TAOK1: variants seen among roughly 807,000 people sequenced by gnomAD.
The protein encoded by TAOK1 is serine/threonine-protein kinase TAO1.
A neutral mutation model predicts 138.3 loss-of-function variants in TAOK1; 21 were observed. The ratio of observed to expected loss-of-function variants is 0.15; its 90% CI spans 0.11 to 0.22. The LOEUF (loss-of-function observed/expected upper bound fraction) is 0.22, where lower values mean the gene tolerates loss of function less well. TAOK1 is among the 10% of genes least tolerant of loss of function. TAOK1 has a pLI of 1.00. For missense variants in TAOK1, 651 were observed against 1,227.7 expected (o/e 0.53, Z 7.02); for synonymous variants, 361 against 398.4 (o/e 0.91, Z 1.12).
At chr17:29,411,171 A>G (rs1905134592) in intron 1 of TAOK1, among the ~76,000 whole-genome samples, 2 of 132,020 alleles carry the variant, frequency 1.5e-5, no homozygotes, top group Admixed American at 8.8e-5. Flanking sequence ...GGCTCACTGC[A>G]AGCTCCGCCT....
intron 10 of TAOK1, among the ~76,000 whole-genome samples, chr17:29,492,779 C>T (rs1265026523): frequency 4.6e-5 from 7 of 151,622 alleles, no homozygotes; most frequent in Admixed American, 6.6e-5. Flanking sequence ...GCAACAAGGG[C>T]GAAACCCCTT....
intron 1 of TAOK1, chr17:29,404,128 G>GT (rs1459129897): frequency 6.6e-6 from 1 of 151,896 alleles, no homozygotes; most frequent in East Asian, 1.9e-4. Flanking sequence ...CTGTGTGTGT[G>GT]TGGGGGGGGA....
intron 1 of TAOK1, among the ~76,000 whole-genome samples, chr17:29,428,052 G>A (rs1220759857): frequency 6.6e-6 from 1 of 152,190 alleles, no homozygotes; most frequent in Admixed American, 6.6e-5. Flanking sequence ...TGAATAGACA[G>A]TTTCATCAGG....
chr17:29,497,885 G>A (rs1307683829), intron 11 of TAOK1, among the ~76,000 whole-genome samples: 2 of 151,434 alleles, frequency 1.3e-5, no homozygotes, highest in African/African-American at 2.4e-5. Flanking sequence ...GGGCTACGCC[G>A]TAGGCACTGT....
At chr17:29,538,675 G>A (rs923969329) in intron 19 of TAOK1, among the ~76,000 whole-genome samples, 1 of 152,182 alleles carries the variant, frequency 6.6e-6, no homozygotes, top group Non-Finnish European at 1.5e-5. Context: ...CATTCTGTTT[G>A]AAGATTGTTG....
intron 2 of TAOK1, among the ~76,000 whole-genome samples, chr17:29,460,697 A>C (rs1445600433): frequency 6.6e-6 from 1 of 152,192 alleles, no homozygotes; most frequent in Non-Finnish European, 1.5e-5. Context: ...TCCATTTGTG[A>C]AGTAAAGTTT....
At chr17:29,399,364 G>A (rs1275372227) in intron 1 of TAOK1, among the ~76,000 whole-genome samples, 1 of 152,138 alleles carries the variant, frequency 6.6e-6, no homozygotes, top group Non-Finnish European at 1.5e-5. Context: ...TGCCCAGGAT[G>A]GAGTGCAGTG....
chr17:29,482,413 T>G, intron 8 of TAOK1, 125 bp downstream of exon 8: 1 of 736,030 alleles, frequency 1.4e-6, no homozygotes. Flanking sequence ...GGCAATACAT[T>G]TATTAAGGTT....
At chr17:29,419,357 C>T (rs1285088438) in intron 1 of TAOK1, among the ~76,000 whole-genome samples, 1 of 151,910 alleles carries the variant, frequency 6.6e-6, no homozygotes, top group African/African-American at 2.4e-5. Flanking sequence ...CCACCACACC[C>T]GACTAATTTT....
chr17:29,526,107 C>A (rs1221618674), intron 17 of TAOK1, among the ~76,000 whole-genome samples: 1 of 152,066 alleles, frequency 6.6e-6, no homozygotes, highest in African/African-American at 2.4e-5. Context: ...AAAACCCCAT[C>A]TCTACTAAAA....
At chr17:29,399,928 C>T (rs1384956146) in intron 1 of TAOK1, among the ~76,000 whole-genome samples, 2 of 151,866 alleles carry the variant, frequency 1.3e-5, no homozygotes, top group African/African-American at 4.8e-5. Context: ...GACGAGATCT[C>T]ACTATGTTGC....
At chr17:29,510,124 C>A (rs2031695533) in intron 14 of TAOK1, among the ~76,000 whole-genome samples, 1 of 151,466 alleles carries the variant, frequency 6.6e-6, no homozygotes, top group African/African-American at 2.4e-5. Flanking sequence ...CGCCTGTAAT[C>A]CCAGCACTTT....
At chr17:29,494,825 CAAAA>C (rs368548444) in intron 10 of TAOK1, among the ~76,000 whole-genome samples, 1 of 48,302 alleles carries the variant, frequency 2.1e-5, no homozygotes. Context: ...GACTCCGTCT[CAAAA>C]AAAAAAAAAA....
At chr17:29,511,310 T>C (rs1426139234) in intron 15 of TAOK1, 1 of 154,434 alleles carries the variant, frequency 6.5e-6, no homozygotes, top group Non-Finnish European at 1.4e-5. Flanking sequence ...CTCGGCTCAC[T>C]TCAAGCTCTG....
intron 10 of TAOK1, among the ~76,000 whole-genome samples, chr17:29,492,087 A>G (rs1291581594): frequency 1.3e-5 from 2 of 151,986 alleles, no homozygotes; most frequent in Non-Finnish European, 1.5e-5. Context: ...GCTTTGCCAC[A>G]TTGCCCAGGC....
chr17:29,538,495 A>G (rs1049897032), intron 19 of TAOK1, among the ~76,000 whole-genome samples: 1 of 152,224 alleles, frequency 6.6e-6, no homozygotes, highest in Non-Finnish European at 1.5e-5. Context: ...GCTGGGGTCA[A>G]TTAGCAATCA....
chr17:29,418,947 T>TA (rs34015426), intron 1 of TAOK1, among the ~76,000 whole-genome samples: 58,452 of 131,948 alleles, frequency 0.44, 13,891 homozygotes, highest in East Asian at 0.72. Context: ...TTTTTTTTTT[T>TA]ATGTATGTTT....
chr17:29,510,856 T>G lies in TAOK1; in HGVS notation c.1576-8T>G, dbSNP rs79268905. 9 of 1,570,568 alleles carry G rather than the reference T, an allele frequency of 5.7e-6. No individual in the cohort carries two copies. Among genetic ancestry groups the G allele is most frequent in the Non-Finnish European group, 7.7e-6 (9 of 1,162,940 alleles). ...CTAAATTTGATTCATTTTTTAAACT[T>G]CATATAGGCTAAAGTGATGTCCAAT... is the stretch of plus-strand genomic sequence containing the variant. On this transcript the variant is annotated splice_polypyrimidine_tract_variant and splice_region_variant and intron_variant, in intron 14 of 19. Coordinates refer to ENST00000261716, the MANE Select transcript of TAOK1 (RefSeq NM_020791.4).
At chr17:29,426,558 G>A (rs1905648442) in intron 1 of TAOK1, among the ~76,000 whole-genome samples, 1 of 152,166 alleles carries the variant, frequency 6.6e-6, no homozygotes, top group Non-Finnish European at 1.5e-5. Flanking sequence ...GTGGCTCTAA[G>A]CCAGGGGCAT....
Sources: allele counts gnomAD v4.1 joint callset (sites outside exome capture counted in the v4.1 genomes callset), GRCh38; gene constraint gnomAD v4.1.1; transcripts MANE v1.5; gene names NCBI Gene and HGNC (gene_info 2026-07-23, HGNC 2026-07-21).